Variants in KCNIP4 observed in about 807,000 individuals in gnomAD.
KCNIP4 encodes the protein potassium voltage-gated channel interacting protein 4.
In KCNIP4, 12 loss-of-function variants were observed where a neutral mutation model predicts 34.0. That is an observed-to-expected ratio of 0.35 (90% CI 0.23 to 0.57). The LOEUF (loss-of-function observed/expected upper bound fraction) is 0.57. KCNIP4 is among the 20% of genes least tolerant of loss of function. The probability of loss-of-function intolerance (pLI) is 0.83; values close to 1 mark genes in which losing one functional copy is unlikely to be tolerated. For missense variants in KCNIP4, 238 were observed against 311.7 expected (o/e 0.76, Z 1.78); for synonymous variants, 124 against 102.2 (o/e 1.21, Z -1.29).
rs1414911144 is a variant in KCNIP4, at chr4:21,284,181, C to A, written c.62-401472G>T. Among the ~76,000 whole-genome samples, 3 of 151,516 alleles carry A rather than the reference C, an allele frequency of 2.0e-5. No individual in the cohort carries two copies. In the East Asian group the frequency reaches 5.8e-4, roughly 29 times the overall value. ...TGAGCCGAGATTGCACCACTGCACT[C>A]CAGCCTGGGCGACAGAGCGAGACTC... On this transcript the variant is annotated intron_variant, in intron 1 of 8. Coordinates refer to ENST00000382152, the MANE Select transcript of KCNIP4 (RefSeq NM_025221.6).
chr4:21,086,968 C>CCTCTCTCT (rs113613645), intron 1 of KCNIP4, among the ~76,000 whole-genome samples: 4 of 141,398 alleles, frequency 2.8e-5, no homozygotes, highest in African/African-American at 5.5e-5. Context: ...CCTTTTCCTT[C>CCTCTCTCT]CTCTCTCTCT....
At chr4:21,545,337 C>T (rs12645471) in intron 1 of KCNIP4, among the ~76,000 whole-genome samples, 8,379 of 151,570 alleles carry the variant, frequency 0.055, 359 homozygotes, top group South Asian at 0.17. Flanking sequence ...CAGCAGCCCT[C>T]GGGGCTGCTC....
At chr4:21,352,087 T>C (rs1272509022) in intron 1 of KCNIP4, among the ~76,000 whole-genome samples, 1 of 152,116 alleles carries the variant, frequency 6.6e-6, no homozygotes, top group Non-Finnish European at 1.5e-5. Context: ...ACCATCCATC[T>C]CAAGGCAGAG....
chr4:21,719,931 C>G (rs1299081717), intron 1 of KCNIP4, among the ~76,000 whole-genome samples: 1 of 138,522 alleles, frequency 7.2e-6, no homozygotes, highest in East Asian at 2.3e-4. Context: ...CCATTGTGCT[C>G]CAGCATGGGC....
intron 1 of KCNIP4, among the ~76,000 whole-genome samples, chr4:21,455,699 C>T (rs891397556): frequency 1.4e-5 from 2 of 147,810 alleles, no homozygotes. Flanking sequence ...TTTCTATCTA[C>T]AACACCCTTT....
chr4:21,859,390 C>T (rs576302467), intron 1 of KCNIP4, among the ~76,000 whole-genome samples: 5 of 151,414 alleles, frequency 3.3e-5, no homozygotes, highest in East Asian at 1.9e-4. Context: ...GGGTGGATCA[C>T]GAGGTCAGGA....
At chr4:21,041,949 TAA>T (rs1741997785) in intron 1 of KCNIP4, among the ~76,000 whole-genome samples, 1 of 152,168 alleles carries the variant, frequency 6.6e-6, no homozygotes, top group African/African-American at 2.4e-5. Flanking sequence ...TCTATAAAAA[TAA>T]AGACAAAATA....
chr4:21,246,206 C>A (rs1275810430), intron 1 of KCNIP4, among the ~76,000 whole-genome samples: 2 of 152,118 alleles, frequency 1.3e-5, no homozygotes, highest in East Asian at 3.9e-4. Flanking sequence ...GCCCAGGACA[C>A]CCTTTCCCTA....
At chr4:21,810,788 C>T (rs781114747) in intron 1 of KCNIP4, among the ~76,000 whole-genome samples, 4 of 151,684 alleles carry the variant, frequency 2.6e-5, no homozygotes, top group Admixed American at 6.6e-5. Flanking sequence ...GATGACTGGC[C>T]TATTGCTAGG....
intron 3 of KCNIP4, among the ~76,000 whole-genome samples, chr4:20,814,140 A>G (rs763426945): frequency 7.9e-5 from 12 of 152,152 alleles, no homozygotes; most frequent in Non-Finnish European, 1.8e-4. Context: ...AGTGTCTTCT[A>G]TGAGTTTGTT....
chr4:20,756,819 TTC>T (rs1260909870), intron 4 of KCNIP4, among the ~76,000 whole-genome samples: 1 of 152,128 alleles, frequency 6.6e-6, no homozygotes, highest in Non-Finnish European at 1.5e-5. Flanking sequence ...AAACTGTTCA[TTC>T]TCTGTCTCCT....
intron 2 of KCNIP4, among the ~76,000 whole-genome samples, chr4:20,865,164 G>A (rs905213240): frequency 2.6e-5 from 4 of 152,170 alleles, no homozygotes; most frequent in Admixed American, 6.6e-5. Flanking sequence ...GAAATAGGAC[G>A]TTATGGAGTC....
chr4:21,606,387 C>A (rs1743672936), intron 1 of KCNIP4, among the ~76,000 whole-genome samples: 1 of 152,106 alleles, frequency 6.6e-6, no homozygotes, highest in African/African-American at 2.4e-5. Context: ...TCAGCAGAGT[C>A]ATTACTTTTC....
At chr4:21,764,936 C>G (rs1468775363) in intron 1 of KCNIP4, among the ~76,000 whole-genome samples, 2 of 151,948 alleles carry the variant, frequency 1.3e-5, no homozygotes, top group East Asian at 3.9e-4. Flanking sequence ...AAGCCCTTTG[C>G]TCTTCTCATT....
rs1204864736 is a variant in KCNIP4, at chr4:21,657,034, C to G, written c.61+291537G>C. Among the ~76,000 whole-genome samples the G allele has an allele frequency of 2.6e-5, 4 of 152,146 alleles. No homozygotes were observed. In the South Asian group the frequency reaches 6.2e-4, roughly 24 times the overall value. On this transcript the variant is annotated intron_variant, in intron 1 of 8. Coordinates refer to ENST00000382152, the MANE Select transcript of KCNIP4 (RefSeq NM_025221.6). The stretch of plus-strand genomic sequence containing the variant: ...ACTGCTCACATCACTGCTACCATTT[C>G]CCTTCATTCAGGAAGCCTTCCCTGA...
chr4:20,759,758 G>T (rs1754796705), intron 3 of KCNIP4, among the ~76,000 whole-genome samples: 1 of 152,150 alleles, frequency 6.6e-6, no homozygotes, highest in Non-Finnish European at 1.5e-5. Context: ...CCATTTTTTG[G>T]AGTTATAAGA....
intron 1 of KCNIP4, among the ~76,000 whole-genome samples, chr4:21,875,304 T>C (rs1726045664): frequency 6.6e-6 from 1 of 152,178 alleles, no homozygotes; most frequent in Non-Finnish European, 1.5e-5. Flanking sequence ...CAAATAGAGC[T>C]GATTCTTCAT....
intron 1 of KCNIP4, among the ~76,000 whole-genome samples, chr4:21,429,126 C>T (rs998217555): frequency 1.3e-5 from 2 of 152,046 alleles, no homozygotes; most frequent in South Asian, 2.1e-4. Flanking sequence ...CTCTGTGCGC[C>T]GCCTATTCAT....
At chr4:21,014,412 C>T (rs1193667180) in intron 1 of KCNIP4, among the ~76,000 whole-genome samples, 2 of 152,170 alleles carry the variant, frequency 1.3e-5, no homozygotes, top group African/African-American at 4.8e-5. Context: ...TTAAAGGAAA[C>T]ATCCAAATTT....
Sources: allele counts gnomAD v4.1 joint callset (sites outside exome capture counted in the v4.1 genomes callset), GRCh38; gene constraint gnomAD v4.1.1; transcripts MANE v1.5; gene names NCBI Gene and HGNC (gene_info 2026-07-23, HGNC 2026-07-21).